ANKRD17: variants seen among roughly 807,000 people sequenced by gnomAD.
ANKRD17 encodes ankyrin repeat domain 17, also known as ankyrin repeat domain-containing protein 17.
In ANKRD17, 19 loss-of-function variants were observed where a neutral mutation model predicts 229.7. The ratio of observed to expected loss-of-function variants is 0.08; its 90% CI spans 0.06 to 0.12. The LOEUF (loss-of-function observed/expected upper bound fraction) is 0.12. ANKRD17 is among the 10% of genes least tolerant of loss of function. The probability of loss-of-function intolerance (pLI) is 1.00; values close to 1 mark genes in which losing one functional copy is unlikely to be tolerated. For synonymous variants in ANKRD17, 1,112 were observed against 1,146.1 expected (o/e 0.97, Z 0.60); for missense variants, 2,176 against 3,176.8 (o/e 0.68, Z 7.57).
chr4:73,110,619 A>T (rs892035377), intron 24 of ANKRD17, among the ~76,000 whole-genome samples: 2 of 152,242 alleles, frequency 1.3e-5, no homozygotes, highest in African/African-American at 4.8e-5. Context: ...AATATATCTC[A>T]AAAGGCTAAA....
intron 1 of ANKRD17, among the ~76,000 whole-genome samples, chr4:73,256,402 A>C (rs1340209116): frequency 1.3e-5 from 2 of 152,174 alleles, no homozygotes; most frequent in Non-Finnish European, 2.9e-5. Flanking sequence ...CGAGAATTTA[A>C]AATTTTAAGT....
chr4:73,139,550 C>G lies in ANKRD17; in HGVS notation c.3066G>C (p.Thr1022=), dbSNP rs571125780. ...VASPAQTLND[T]LDDIMAAVSG... ...ACCCACCTGCCATGATGTCATCCAG[C>G]GTGTCATTGAGGGTCTGAGCAGGGC... is the stretch of plus-strand genomic sequence containing the variant. Residue 1022 remains threonine (T), a synonymous_variant, in exon 15 of 34, where the codon ACG becomes ACC. Coordinates refer to ENST00000358602, the MANE Select transcript of ANKRD17 (RefSeq NM_032217.5). 1.2e-6 allele frequency: 2 copies of G among 1,612,866 alleles called. No individual in the cohort carries two copies. Among genetic ancestry groups the G allele is most frequent in the African/African-American group, 1.3e-5 (1 of 74,880 alleles).
At chr4:73,233,622 C>G (rs1309693583) in intron 1 of ANKRD17, among the ~76,000 whole-genome samples, 1 of 152,186 alleles carries the variant, frequency 6.6e-6, no homozygotes, top group Non-Finnish European at 1.5e-5. Flanking sequence ...CCTCCCATCC[C>G]CCCACTACCA....
chr4:73,113,522 G>C (rs928037201), intron 24 of ANKRD17, among the ~76,000 whole-genome samples: 1 of 152,186 alleles, frequency 6.6e-6, no homozygotes, highest in Non-Finnish European at 1.5e-5. Flanking sequence ...CATTAGCTGA[G>C]ATAAGACTAA....
chr4:73,130,591 C>G (rs969377221), intron 16 of ANKRD17, among the ~76,000 whole-genome samples: 11 of 148,560 alleles, frequency 7.4e-5, no homozygotes, highest in Non-Finnish European at 1.0e-4. Flanking sequence ...TGAAAGAAAG[C>G]AAAATTCTAT....
chr4:73,185,832 G>C (rs1204689682), intron 1 of ANKRD17, among the ~76,000 whole-genome samples: 2 of 151,830 alleles, frequency 1.3e-5, no homozygotes, highest in African/African-American at 4.8e-5. Context: ...CTTAATTTTG[G>C]TTTTATCAAT....
chr4:73,182,543 A>C (rs1457566191), intron 1 of ANKRD17, among the ~76,000 whole-genome samples: 1 of 152,216 alleles, frequency 6.6e-6, no homozygotes, highest in Non-Finnish European at 1.5e-5. Context: ...GGTGACTTTA[A>C]ATTTTACATT....
At chr4:73,120,362 T>C (rs2148694405) in intron 20 of ANKRD17, 25 bp from the exon 21 acceptor site, 13 of 1,604,808 alleles carry the variant, frequency 8.1e-6, no homozygotes, top group Middle Eastern at 1.7e-4. Flanking sequence ...AAATTAAAAG[T>C]AATGACACGT....
In ANKRD17 at chr4:73,258,285, C is replaced by T; in HGVS notation, c.384G>A (p.Glu128=). The change falls in exon 1 of 34, where the codon GAG becomes GAA. Residue 128 remains glutamate, a synonymous_variant. Transcript: ENST00000358602. The part of the protein sequence containing the change: ...EEEDDDDEEE[E]VSEVESFILD... ...GAAACCAGGCCCTTGCCTCAGAAAC[C>T]TCCTCTTCCTCGTCGTCGTCGTCCT... 2.5e-6 allele frequency: 4 copies of T among 1,613,840 alleles called. No individual in the cohort carries two copies. The highest frequency in any genetic ancestry group is 3.4e-6 in the Non-Finnish European group (4 of 1,180,020).
Position 73,139,687 on chromosome 4 carries a change from G to A in ANKRD17, c.2929C>T (p.Leu977Phe). 6.2e-7 allele frequency: 1 copy of A among 1,614,150 alleles called. No individual in the cohort carries two copies. The highest frequency in any genetic ancestry group is 8.5e-7 in the Non-Finnish European group (1 of 1,180,026). The change falls in exon 15 of 34, where the codon CTT becomes TTT. Residue 977 changes from leucine to phenylalanine, a missense_variant. Leu to Phe is a conservative substitution (Grantham distance 22, BLOSUM62 0). Transcript: ENST00000358602. ...ACTATCACTCCTTGCAGTTCTGTAA[G>A]ATTTGCGATGGACCCTGGAGGCAAG... ...GPLPPGSIAN[L>F]TELQGVIVGQ...
At chr4:73,143,058 C>A (rs1241759075) in intron 11 of ANKRD17, among the ~76,000 whole-genome samples, 3 of 152,070 alleles carry the variant, frequency 2.0e-5, no homozygotes, top group African/African-American at 7.2e-5. Flanking sequence ...ACCCATTACT[C>A]CTAATGTAAT....
At chr4:73,156,507 G>A (rs1055454944) in intron 3 of ANKRD17, among the ~76,000 whole-genome samples, 4 of 152,168 alleles carry the variant, frequency 2.6e-5, no homozygotes, top group African/African-American at 4.8e-5. Context: ...CGGTGTTGGG[G>A]AAGGGACCTG....
At chr4:73,077,208 G>T in intron 32 of ANKRD17, 104 bp from the exon 33 acceptor site, 1 of 1,343,518 alleles carries the variant, frequency 7.4e-7, no homozygotes, top group Non-Finnish European at 9.9e-7. Flanking sequence ...CCTCATCCTG[G>T]GAATGTGTAA....
intron 2 of ANKRD17, among the ~76,000 whole-genome samples, chr4:73,166,212 G>A (rs1733206622): frequency 1.3e-5 from 2 of 152,110 alleles, no homozygotes; most frequent in South Asian, 2.1e-4. Flanking sequence ...CAGAACCCAA[G>A]GATCACCAGA....
At chr4:73,099,541 C>T (rs1289190720) in intron 25 of ANKRD17, among the ~76,000 whole-genome samples, 1 of 152,214 alleles carries the variant, frequency 6.6e-6, no homozygotes, top group Admixed American at 6.5e-5. Context: ...TTCCCTCTGG[C>T]TTCCCATAGT....
At chr4:73,114,501 T>C (rs539526045) in intron 23 of ANKRD17, among the ~76,000 whole-genome samples, 1 of 152,260 alleles carries the variant, frequency 6.6e-6, no homozygotes, top group East Asian at 1.9e-4. Flanking sequence ...CAGGCTTAAA[T>C]GCAGTGGCTA....
intron 1 of ANKRD17, among the ~76,000 whole-genome samples, chr4:73,251,228 A>G (rs768183807): frequency 6.6e-6 from 1 of 152,240 alleles, no homozygotes; most frequent in Non-Finnish European, 1.5e-5. Context: ...GTTTCATAGC[A>G]TGCTTGGGGA....
Position 73,094,087 on chromosome 4 carries a change from G to T in ANKRD17, c.5319C>A (p.Ile1773=), listed in dbSNP as rs1196589688. 3 of 1,613,566 alleles carry T rather than the reference G, an allele frequency of 1.9e-6. No homozygotes were observed. The African/African-American group carries it at 4.0e-5, about 22-fold the overall frequency. The change falls in exon 28 of 34, where the codon ATC becomes ATA. Residue 1773 remains isoleucine (I), a synonymous_variant. Coordinates refer to ENST00000358602, the MANE Select transcript of ANKRD17 (RefSeq NM_032217.5). ...KQKDKTGDRI[I]TIRGGTESTR... Reference sequence around the variant, plus strand: ...AAGAGACAAAGTTTTGCCTTATAGTGATTATCCGGTCTCCAGTCTTGTCTT... The same window carrying T: ...AAGAGACAAAGTTTTGCCTTATAGTTATTATCCGGTCTCCAGTCTTGTCTT...
In ANKRD17 at chr4:73,139,681, C is replaced by T. The variant is rs1729367743; in HGVS notation, c.2935G>A (p.Glu979Lys). ...LPPGSIANLT[E>K]LQGVIVGQPV... ...TGTCCAACTATCACTCCTTGCAGTT[C>T]TGTAAGATTTGCGATGGACCCTGGA... The change falls in exon 15 of 34, where the codon GAA becomes AAA. Residue 979 changes from glutamate to lysine, a missense_variant. Glu to Lys is a moderately conservative substitution (Grantham distance 56). Around this residue, in one of 18 missense-constraint regions of ANKRD17, gnomAD observed 230 missense variants for 252.3 expected, o/e 0.91. Transcript: ENST00000358602. 6.2e-7 allele frequency: 1 copy of T among 1,614,034 alleles called. No individual in the cohort carries two copies. The highest frequency in any genetic ancestry group is 1.7e-5 in the Admixed American group (1 of 59,994).
Sources: allele counts gnomAD v4.1 joint callset (sites outside exome capture counted in the v4.1 genomes callset), GRCh38; gene constraint gnomAD v4.1.1; regional missense constraint gnomAD v4.1.1; transcripts MANE v1.5; gene names NCBI Gene and HGNC (gene_info 2026-07-23, HGNC 2026-07-21).